CYP2C8: variants seen among roughly 807,000 people sequenced by gnomAD.
The protein encoded by CYP2C8 is cytochrome P450 family 2 subfamily C member 8, also known as cytochrome P450 2C8.
In CYP2C8, 51 loss-of-function variants were observed where a neutral mutation model predicts 41.3. The ratio of observed to expected loss-of-function variants is 1.24; its 90% CI spans 0.99 to 1.56. The LOEUF (loss-of-function observed/expected upper bound fraction) is 1.56. Among genes scored for constraint, CYP2C8 ranks in the 40% most tolerant of loss-of-function variants. The pLI is 0.00. For synonymous variants in CYP2C8, 218 were observed against 205.8 expected, an observed-to-expected ratio of 1.06 and a Z score of -0.51; for missense variants, 651 against 579.9, an observed-to-expected ratio of 1.12 and a Z score of -1.26.
chr10:95,060,103 C>G (rs1251980792), intron 4 of CYP2C8, among the ~76,000 whole-genome samples: 4 of 152,096 alleles, frequency 2.6e-5, no homozygotes, highest in Non-Finnish European at 4.4e-5. Flanking sequence ...GTTCTTTTGG[C>G]TTAGGATTGA....
At chr10:95,052,788 C>T (rs1442444102) in intron 5 of CYP2C8, among the ~76,000 whole-genome samples, 5 of 152,040 alleles carry the variant, frequency 3.3e-5, no homozygotes, top group African/African-American at 1.2e-4. Context: ...ATAGAAGGAA[C>T]ATACCTCACC....
chr10:95,059,197 T>A (rs2033372739), intron 4 of CYP2C8, among the ~76,000 whole-genome samples: 1 of 152,218 alleles, frequency 6.6e-6, no homozygotes, highest in Non-Finnish European at 1.5e-5. Flanking sequence ...TTTCTAGTTC[T>A]AGATCCCTGA....
chr10:95,055,452 A>G (rs1217265975), intron 5 of CYP2C8, among the ~76,000 whole-genome samples: 1 of 152,216 alleles, frequency 6.6e-6, no homozygotes, highest in Non-Finnish European at 1.5e-5. Flanking sequence ...TTGAACCCCT[A>G]TCTCACTCTT....
intron 1 of CYP2C8, among the ~76,000 whole-genome samples, chr10:95,067,984 C>T (rs1464544226): frequency 1.3e-5 from 2 of 152,186 alleles, no homozygotes; most frequent in Middle Eastern, 3.2e-3. Flanking sequence ...AATGAAGAAA[C>T]TGAGGCCAGA....
intron 5 of CYP2C8, 113 bp from the exon 6 acceptor site, chr10:95,046,064 G>T: frequency 3.3e-6 from 4 of 1,216,868 alleles, no homozygotes; most frequent in African/African-American, 1.5e-5. Context: ...ATACTGGACA[G>T]TACAGTATTA....
chr10:95,067,321 A>G lies in CYP2C8; in HGVS notation c.368T>C (p.Ile123Thr). 6.2e-7 allele frequency: 1 copy of G among 1,613,954 alleles called. No homozygotes were observed. Among genetic ancestry groups the G allele is most frequent in the South Asian group, 1.1e-5 (1 of 91,068 alleles). Residue 123 changes from isoleucine (I) to threonine (T), a missense_variant, in exon 3 of 9, where the codon ATC (isoleucine) becomes ACC (threonine). Ile to Thr is a moderately conservative substitution (Grantham distance 89). Transcript: ENST00000371270. The part of the protein sequence containing the change: ...ISSNGKRWKE[I>T]RRFSLTTLRN... ...CAAGGTTGTGAGGGAGAAACGCCGGATCTCCTTCCATCTCTTTCCATTGCT... is the reference window on the plus strand; with the variant it reads ...CAAGGTTGTGAGGGAGAAACGCCGGGTCTCCTTCCATCTCTTTCCATTGCT...
chr10:95,039,231 A>G (rs2032949625), intron 7 of CYP2C8, 193 bp from the exon 8 acceptor site: 6 of 594,628 alleles, frequency 1.0e-5, no homozygotes, highest in South Asian at 7.7e-5. Context: ...TCACATTTGA[A>G]GTCTTACATC....
chr10:95,058,413 T>A lies in CYP2C8; in HGVS notation c.741A>T (p.Lys247Asn). Reference protein sequence around the residue: ...VALTRSYIREKVKEHQASLDV... With the variant: ...VALTRSYIRENVKEHQASLDV... ...CCAGTGATGCTTGGTGTTCTTTTAC[T>A]TTCTCCCTAATGTAACTTCGTGTAA... The change falls in exon 5 of 9, where the codon AAA (lysine) becomes AAT (asparagine). Residue 247 changes from lysine (K) to asparagine (N), a missense_variant. Physicochemically the swap from Lys to Asn is moderately conservative, Grantham distance 94. Coordinates refer to ENST00000371270, the MANE Select transcript of CYP2C8 (RefSeq NM_000770.3). 6.2e-7 allele frequency: 1 copy of A among 1,613,528 alleles called. No homozygotes were observed. The highest frequency in any genetic ancestry group is 1.1e-5 in the South Asian group (1 of 91,072).
At chr10:95,062,480 T>C (rs1195551865) in intron 4 of CYP2C8, among the ~76,000 whole-genome samples, 3 of 152,204 alleles carry the variant, frequency 2.0e-5, no homozygotes, top group Non-Finnish European at 4.4e-5. Context: ...TTTTTTTGTT[T>C]TCCATTTGCT....
chr10:95,068,436 T>G, intron 1 of CYP2C8: 1 of 425,094 alleles, frequency 2.4e-6, no homozygotes, highest in Non-Finnish European at 4.3e-6. Flanking sequence ...ACTTCTTTCT[T>G]TCATGCACTT....
At chr10:95,047,384 A>T (rs2033130984) in intron 5 of CYP2C8, among the ~76,000 whole-genome samples, 1 of 152,202 alleles carries the variant, frequency 6.6e-6, no homozygotes, top group South Asian at 2.1e-4. Context: ...ACACTCTTGA[A>T]TCAAGAGTTT....
rs755161565 is a variant in CYP2C8 at position 95,037,295 on chromosome 10, C to T, written c.1306G>A (p.Ala436Thr). The T allele has an allele frequency of 6.2e-7, 1 of 1,613,372 alleles. No individual in the cohort carries two copies. The highest frequency in any genetic ancestry group is 8.5e-7 in the Non-Finnish European group (1 of 1,179,698). Residue 436 changes from alanine to threonine, a missense_variant, in exon 9 of 9, where the codon GCA (alanine) becomes ACA (threonine). Ala to Thr is a moderately conservative substitution (Grantham distance 58). Transcript: ENST00000371270. ...MPFSAGKRIC[A>T]GEGLARMELF... ...TCCATGCGGGCAAGTCCTTCTCCTG[C>T]ACAAATTCGTTTTCCTGAAGATAAC...
chr10:95,067,611 C>T lies in CYP2C8; in HGVS notation c.249G>A (p.Val83=). The T allele has an allele frequency of 2.5e-6, 4 of 1,614,188 alleles. No individual in the cohort carries two copies. Among genetic ancestry groups the T allele is most frequent in the Non-Finnish European group, 3.4e-6 (4 of 1,180,010 alleles). The change falls in exon 2 of 9, where the codon GTG becomes GTA. Residue 83 remains valine, a synonymous_variant. Coordinates refer to ENST00000371270, the MANE Select transcript of CYP2C8 (RefSeq NM_000770.3). ...CTCCATTATCAATCAGGGCTTCCTT[C>T]ACTGCCTCATATCCATGAAACACCA... is the stretch of plus-strand genomic sequence containing the variant. ...PIVVFHGYEA[V]KEALIDNGEE... is the part of the protein sequence containing the mutation.
chr10:95,046,478 A>T (rs1337979633), intron 5 of CYP2C8, among the ~76,000 whole-genome samples: 1 of 151,922 alleles, frequency 6.6e-6, no homozygotes, highest in Non-Finnish European at 1.5e-5. Flanking sequence ...GAACTACCCC[A>T]CTCTTGCAAT....
rs945544007 is a variant in CYP2C8, at chr10:95,036,995, T to G, written c.*133A>C. ...CTGAACAACTCTCCTTAATGGAGTT[T>G]GGATGCTTATGGGATATTGAGTGAA... On this transcript the variant is annotated 3_prime_UTR_variant, in exon 9 of 9. Transcript: ENST00000371270. 1 of 824,720 alleles carries G rather than the reference T, an allele frequency of 1.2e-6. No homozygotes were observed. The highest frequency in any genetic ancestry group is 2.1e-6 in the Non-Finnish European group (1 of 483,202). 51.1% of individuals were successfully genotyped at this position (824,720 alleles called of 1,614,324 possible).
At chr10:95,037,441 T>C (rs1157726020) in intron 8 of CYP2C8, 132 bp from the exon 9 acceptor site, 2 of 749,162 alleles carry the variant, frequency 2.7e-6, no homozygotes, top group Admixed American at 2.1e-5. Flanking sequence ...TGAATGAACA[T>C]GTGGATGAAT....
chr10:95,046,663 AAATGTGAAGGGGG>A (rs1388188206), intron 5 of CYP2C8, among the ~76,000 whole-genome samples: 1 of 151,914 alleles, frequency 6.6e-6, no homozygotes, highest in Non-Finnish European at 1.5e-5. Context: ...CTCAAAACAC[AAATGTGAAGGGGG>A]AGGTAGGATT....
chr10:95,061,010 A>G (rs11591385), intron 4 of CYP2C8, among the ~76,000 whole-genome samples: 12,145 of 152,232 alleles, frequency 0.08, 611 homozygotes, highest in Middle Eastern at 0.16. Context: ...ATCGTGGTGG[A>G]TAAGCTTTTT....
intron 6 of CYP2C8, among the ~76,000 whole-genome samples, chr10:95,044,909 A>T (rs1476248739): frequency 2.6e-5 from 4 of 151,690 alleles, no homozygotes; most frequent in Admixed American, 6.6e-5. Context: ...AATACTTACA[A>T]CTCCATCCTC....
Sources: gnomAD v4.1 joint callset for allele counts (sites outside exome capture counted in the v4.1 genomes callset) on GRCh38, gnomAD v4.1.1 for gene constraint, MANE v1.5 for transcripts, NCBI Gene and HGNC (gene_info 2026-07-23, HGNC 2026-07-21) for gene names.